Variants in EPS8L3 observed in about 807,000 individuals in gnomAD.
The protein encoded by EPS8L3 is EPS8 signaling adaptor L3.
In EPS8L3, 80 loss-of-function variants were observed where a neutral mutation model predicts 88.5. That is an observed-to-expected ratio of 0.90 (90% CI 0.75 to 1.09). The LOEUF (loss-of-function observed/expected upper bound fraction) is 1.09, where lower values mean the gene tolerates loss of function less well. Ranked by LOEUF, EPS8L3 falls within the 50% of genes least tolerant of loss-of-function variation. The pLI is 0.00. For synonymous variants in EPS8L3, 286 were observed against 291.0 expected (o/e 0.98, Z 0.18); for missense variants, 721 against 735.2 (o/e 0.98, Z 0.22).
At chr1:109,760,011 G>A (rs977179827) in intron 3 of EPS8L3, 175 bp from the exon 4 acceptor site, 10 of 649,028 alleles carry the variant, frequency 1.5e-5, no homozygotes, top group Admixed American at 5.9e-5. Flanking sequence ...GGACGGTGTC[G>A]AAGCACTGGG....
chr1:109,759,900 TG>T lies in EPS8L3; in HGVS notation c.97-65del. On this transcript the variant is annotated intron_variant, in intron 3 of 18. Transcript: ENST00000361965. This position sits in a 1 kb window ranked among gnomAD's most constrained non-coding sequence, Gnocchi z 4.2. ...TCAGAGAGGTGGACCACAGGCGTGC[TG>T]GGTAGAGAAAAGCAGAAGAGGAAGA... The T allele has an allele frequency of 6.4e-7, 1 of 1,552,838 alleles. No individual in the cohort carries two copies. Among genetic ancestry groups the T allele is most frequent in the Non-Finnish European group, 8.8e-7 (1 of 1,141,862 alleles).
intron 6 of EPS8L3, 140 bp downstream of exon 6, chr1:109,758,922 C>T: frequency 1.0e-6 from 1 of 972,510 alleles, no homozygotes; most frequent in Non-Finnish European, 1.5e-6. Flanking sequence ...CTATGCCCAC[C>T]TCTGTCCTGG....
In EPS8L3 at chr1:109,750,675, G is replaced by T. The variant is rs1649699207; in HGVS notation, c.1755C>A (p.Val585=). ...APRILSRLEA[V]RRMLGISP ...GTGTCCTCACCCCCAGCATCCTTCT[G>T]ACAGCCTCCAGCCGGGACAGGATTC... Residue 585 remains valine (V), a synonymous_variant, in exon 18 of 19, where the codon GTC becomes GTA. Transcript: ENST00000361965. 1 of 1,614,094 alleles carries T rather than the reference G, an allele frequency of 6.2e-7. No individual in the cohort carries two copies. Among genetic ancestry groups the T allele is most frequent in the African/African-American group, 1.3e-5 (1 of 74,934 alleles).
At chr1:109,761,395 C>T (rs567282028) in intron 3 of EPS8L3, 100 bp downstream of exon 3, 16 of 1,048,706 alleles carry the variant, frequency 1.5e-5, no homozygotes, top group Admixed American at 1.2e-4. Context: ...GCTTCTGGGG[C>T]AGGGACTTGT....
At chr1:109,757,624 G>A (rs1650418334) in intron 10 of EPS8L3, 69 bp from the exon 11 acceptor site, 2 of 1,497,028 alleles carry the variant, frequency 1.3e-6, no homozygotes, top group South Asian at 1.2e-5. Context: ...CACCATAATT[G>A]TTTTATGCCT....
At chr1:109,760,896 G>A (rs1444847524) in intron 3 of EPS8L3, among the ~76,000 whole-genome samples, 1 of 152,140 alleles carries the variant, frequency 6.6e-6, no homozygotes, top group African/African-American at 2.4e-5. Flanking sequence ...TCACCTTGGT[G>A]TCGACAGCCC....
Position 109,761,253 on chromosome 1 carries a change from C to A in EPS8L3, c.96+242G>T, listed in dbSNP as rs1650909024. The A allele has an allele frequency of 1.0e-5, 5 of 490,800 alleles. No individual in the cohort carries two copies. In the South Asian group the frequency reaches 1.6e-4, roughly 16 times the overall value. The allele number at this position is 490,800 out of a possible 1,614,324, so 30.4% of individuals were successfully genotyped here. On this transcript the variant is annotated intron_variant, in intron 3 of 18. Transcript: ENST00000361965. ...CTTCTTCCTGTCTGGGGACAGGACA[C>A]TCACCCGCTCAACCTCCAGCCAGGC...
In EPS8L3 at chr1:109,759,970, A is replaced by G. The variant is rs1650738936; in HGVS notation, c.97-134T>C. 3.1e-5 allele frequency: 29 copies of G among 946,562 alleles called. No individual in the cohort carries two copies. The highest frequency in any genetic ancestry group is 4.3e-5 in the Non-Finnish European group (28 of 647,352). The allele number at this position is 946,562 out of a possible 1,614,324, so 58.6% of individuals were successfully genotyped here. ...CTTGAGGTAGGAGGTTCCAGGCTTC[A>G]GATAAAGCAACTTTCCAGGGCCAAT... On this transcript the variant is annotated intron_variant, in intron 3 of 18. Transcript: ENST00000361965. This position sits in a 1 kb window ranked among gnomAD's most constrained non-coding sequence, Gnocchi z 4.2.
chr1:109,759,061 C>T lies in EPS8L3; in HGVS notation c.461+1G>A, dbSNP rs772414453. 3.5e-5 allele frequency: 56 copies of T among 1,600,946 alleles called. No individual in the cohort carries two copies. Among genetic ancestry groups the T allele is most frequent in the Non-Finnish European group, 4.6e-5 (54 of 1,174,658 alleles). ...AGGTGGGCTGGGCAGAGGCTGCCTACCTTTGCTCCAGCTCTTCCTCCAGAG... is the reference window on the plus strand; with the variant it reads ...AGGTGGGCTGGGCAGAGGCTGCCTATCTTTGCTCCAGCTCTTCCTCCAGAG... On this transcript the variant is annotated splice_donor_variant, in intron 6 of 18. Transcript: ENST00000361965. LOFTEE classifies it high-confidence loss of function. The surrounding 1 kb of genome is among the most constrained non-coding windows in gnomAD (Gnocchi z 4.2).
chr1:109,751,158 C>T lies in EPS8L3; in HGVS notation c.1637+120G>A, dbSNP rs138244891. The T allele has an allele frequency of 5.8e-5, 48 of 832,198 alleles. 1 individual carries two copies. Among genetic ancestry groups the T allele is most frequent in the Non-Finnish European group, 6.5e-5 (34 of 520,048 alleles). The allele number at this position is 832,198 out of a possible 1,614,324, so 51.6% of individuals were successfully genotyped here. A position where few individuals can be genotyped will look rare whatever the true frequency, so the allele number is the denominator to read the frequency against. On this transcript the variant is annotated intron_variant, in intron 17 of 18. Coordinates refer to ENST00000361965, the MANE Select transcript of EPS8L3 (RefSeq NM_133181.4). ...GCTCTGTCCTCTAACTCAGCAGAGA[C>T]GGTGCTGGATCGGGGTCATGTACAA...
Position 109,760,125 on chromosome 1 carries a change from G to A in EPS8L3, c.97-289C>T, listed in dbSNP as rs1650760888. Among the ~76,000 whole-genome samples the A allele has an allele frequency of 2.0e-5, 3 of 152,160 alleles. No individual in the cohort carries two copies. In the South Asian group the frequency reaches 6.2e-4, roughly 32 times the overall value. On this transcript the variant is annotated intron_variant, in intron 3 of 18. Transcript: ENST00000361965. ...GCCTTTACTAGTCCAGGCCAGGTGA[G>A]GCAGCTGGGTGGTGGAGGATGTGGG...
rs111941070 is a variant in EPS8L3, at chr1:109,758,144, C to T, written c.718-86G>A. 6.6e-6 allele frequency: 9 copies of T among 1,360,824 alleles called. No individual in the cohort carries two copies. In the African/African-American group the frequency reaches 7.1e-5, roughly 11 times the overall value. 84.3% of individuals were successfully genotyped at this position (1,360,824 alleles called of 1,614,324 possible). A position where few individuals can be genotyped will look rare whatever the true frequency, so the allele number is the denominator to read the frequency against. On this transcript the variant is annotated intron_variant, in intron 8 of 18. Coordinates refer to ENST00000361965, the MANE Select transcript of EPS8L3 (RefSeq NM_133181.4). ...CACTGCCCCCCGCACCCCTCCCCAC[C>T]ACAAGCCCCAGCCTCAGGCCCAGCC...
At chr1:109,750,573 G>C in intron 18 of EPS8L3, 87 bp downstream of exon 18, 1 of 1,600,674 alleles carries the variant, frequency 6.2e-7, no homozygotes, top group Non-Finnish European at 8.5e-7. Flanking sequence ...CCAGGGCTGG[G>C]CCTGCAGGCT....
rs1226859645 is a variant in EPS8L3 at position 109,757,139 on chromosome 1, G to A, written c.996C>T (p.Gly332=). Residue 332 remains glycine (G), a synonymous_variant, in exon 12 of 19, where the codon GGC becomes GGT. Transcript: ENST00000361965. ...GGGGTGAGATCACTTGGGCTGCTAG[G>A]CCAGCCTCAGGGCACCTGGCCAGGA... The part of the protein sequence containing the change: ...NFILARCPEA[G]LAAQVISPLL... 3.7e-6 allele frequency: 6 copies of A among 1,612,928 alleles called. No homozygotes were observed. Among genetic ancestry groups the A allele is most frequent in the Non-Finnish European group, 4.2e-6 (5 of 1,179,336 alleles).
At chr1:109,755,219 G>A (rs1028048467) in intron 12 of EPS8L3, among the ~76,000 whole-genome samples, 2 of 152,186 alleles carry the variant, frequency 1.3e-5, no homozygotes, top group Non-Finnish European at 1.5e-5. Context: ...TAGAATAGAG[G>A]TTTCCAAGGG....
chr1:109,751,492 C>A, intron 16 of EPS8L3, 141 bp from the exon 17 acceptor site: 2 of 1,365,176 alleles, frequency 1.5e-6, no homozygotes, highest in Non-Finnish European at 1.0e-6. Context: ...GGGAGCTGGT[C>A]TTGTTCTCTG....
Position 109,761,482 on chromosome 1 carries a change from C to T in EPS8L3, c.96+13G>A. 6.2e-7 allele frequency: 1 copy of T among 1,606,460 alleles called. No individual in the cohort carries two copies. The highest frequency in any genetic ancestry group is 8.5e-7 in the Non-Finnish European group (1 of 1,174,552). On this transcript the variant is annotated intron_variant, in intron 3 of 18. Transcript: ENST00000361965. ...TTAGTTGGACACTGCCCGGGGGCTG[C>T]AGAGGTACTCACCTCCACCCTGTGC...
chr1:109,751,152 C>G (rs1481180918), intron 17 of EPS8L3, 126 bp downstream of exon 17: 1 of 807,962 alleles, frequency 1.2e-6, no homozygotes, highest in Non-Finnish European at 2.0e-6. Flanking sequence ...TCTAACTCAG[C>G]AGAGACGGTG....
In EPS8L3 at chr1:109,759,464, C is replaced by G. The variant is rs1441472359; in HGVS notation, c.256-77G>C. ...TCTGGGAGCTCCTGACCAGCTCATC[C>G]TAGCCCTTTGGTGGCCTAGGGCTGA... On this transcript the variant is annotated intron_variant, in intron 4 of 18. Transcript: ENST00000361965. This position sits in a 1 kb window ranked among gnomAD's most constrained non-coding sequence, Gnocchi z 4.2. The G allele has an allele frequency of 6.3e-7, 1 of 1,576,666 alleles. No individual in the cohort carries two copies. Among genetic ancestry groups the G allele is most frequent in the Non-Finnish European group, 8.6e-7 (1 of 1,161,920 alleles).
Sources: allele counts gnomAD v4.1 joint callset (sites outside exome capture counted in the v4.1 genomes callset), GRCh38; gene constraint gnomAD v4.1.1; non-coding constraint Gnocchi (gnomAD v3.1); transcripts MANE v1.5; gene names NCBI Gene and HGNC (gene_info 2026-07-23, HGNC 2026-07-21).